The following NMBR variants were observed in gnomAD, a reference collection of about 807,000 sequenced individuals.
NMBR encodes the protein neuromedin B receptor.
In NMBR, 16 loss-of-function variants were observed where a neutral mutation model predicts 20.5. The observed-to-expected ratio is 0.78, with a 90% CI of 0.53 to 1.19. NMBR has a LOEUF of 1.19. Ranked by LOEUF, NMBR falls within the 50% of genes most tolerant of loss-of-function variation. NMBR has a pLI of 0.00. For missense variants in NMBR, 582 were observed against 499.1 expected, an observed-to-expected ratio of 1.17 and a Z score of -1.58; for synonymous variants, 212 against 196.6, an observed-to-expected ratio of 1.08 and a Z score of -0.65.
chr6:142,136,461 T>C (rs1169519054), intron 1 of NMBR, among the ~76,000 whole-genome samples: 3 of 152,310 alleles, frequency 2.0e-5, no homozygotes, highest in East Asian at 1.9e-4. Context: ...TTCACGCTGA[T>C]GGTAGTTTCT....
At chr6:142,108,746 T>C (rs562316658) in intron 1 of NMBR, among the ~76,000 whole-genome samples, 50 of 152,222 alleles carry the variant, frequency 3.3e-4, no homozygotes, top group African/African-American at 1.1e-3. Flanking sequence ...ATTCTGCCCC[T>C]GGCCCCTTCC....
intron 1 of NMBR, among the ~76,000 whole-genome samples, chr6:142,127,252 C>G (rs1778056560): frequency 6.6e-6 from 1 of 151,940 alleles, no homozygotes; most frequent in Non-Finnish European, 1.5e-5. Context: ...GAAACTATCA[C>G]TTCCCCACTG....
At chr6:142,122,433 A>G (rs1308917581) in intron 1 of NMBR, among the ~76,000 whole-genome samples, 1 of 152,020 alleles carries the variant, frequency 6.6e-6, no homozygotes, top group African/African-American at 2.4e-5. Flanking sequence ...AAGATGAAGT[A>G]GCAAGTGCTA....
chr6:142,078,969 A>C, intron 2 of NMBR, 66 bp from the exon 3 acceptor site: 1 of 1,108,498 alleles, frequency 9.0e-7, no homozygotes. Flanking sequence ...AAGAAAAGAA[A>C]GAAAGAAAAA....
At chr6:142,145,538 A>G (rs1778417287) in intron 1 of NMBR, among the ~76,000 whole-genome samples, 1 of 152,370 alleles carries the variant, frequency 6.6e-6, no homozygotes, top group Middle Eastern at 3.4e-3. Context: ...AATTAAATAA[A>G]TTAATATAAA....
Position 142,075,891 on chromosome 6 carries a change from C to A in NMBR, c.930G>T (p.Arg310=). The A allele has an allele frequency of 1.2e-6, 2 of 1,613,942 alleles. No individual in the cohort carries two copies. The highest frequency in any genetic ancestry group is 1.7e-6 in the Non-Finnish European group (2 of 1,179,962). The part of the protein sequence containing the change: ...LGHMIVTLVA[R]VLSFGNSCVN... ...CACAAGAATTGCCAAAACTGAGAAC[C>A]CGGGCAACTAAGGTGACAATCATGT... The change falls in exon 4 of 4, where the codon CGG becomes CGT. Residue 310 remains arginine (R), a synonymous_variant. Coordinates refer to ENST00000258042, the MANE Select transcript of NMBR (RefSeq NM_002511.4).
At position 142,075,248 on chromosome 6, in the gene NMBR, T is replaced by C. The variant is rs1776905855; in HGVS notation, c.*400A>G. ...GTCAATATAGAAATTTATTTCATGC[T>C]TCAAGATAAAACAAAACCTAAGACA... On this transcript the variant is annotated 3_prime_UTR_variant, in exon 4 of 4. Coordinates refer to ENST00000258042, the MANE Select transcript of NMBR (RefSeq NM_002511.4). Among the ~76,000 whole-genome samples, 1 of 152,104 alleles carries C rather than the reference T, an allele frequency of 6.6e-6. No individual in the cohort carries two copies.
chr6:142,124,647 G>A lies in NMBR; in HGVS notation c.-664+22397C>T, dbSNP rs2179554. On this transcript the variant is annotated intron_variant, in intron 1 of 3. Transcript: ENST00000258042. ...CCAAAAATAATAGCTGTAGATATGC[G>A]AACTATTCAAAAAAGAAATTGTTAT... Among the ~76,000 whole-genome samples the A allele has an allele frequency of 6.3e-3, 955 of 151,824 alleles. 12 individuals carry two copies. Among genetic ancestry groups the A allele is most frequent in the African/African-American group, 0.021 (885 of 41,448 alleles).
At chr6:142,121,921 TTGA>T (rs1185975454) in intron 1 of NMBR, among the ~76,000 whole-genome samples, 1 of 151,896 alleles carries the variant, frequency 6.6e-6, no homozygotes, top group Non-Finnish European at 1.5e-5. Context: ...GCAGCCATTG[TTGA>T]TATGATCCCA....
chr6:142,122,441 C>G (rs1453994347), intron 1 of NMBR, among the ~76,000 whole-genome samples: 1 of 151,902 alleles, frequency 6.6e-6, no homozygotes, highest in African/African-American at 2.4e-5. Context: ...GTAGCAAGTG[C>G]TAATGTAGAA....
At chr6:142,103,747 T>G (rs1251770716) in intron 1 of NMBR, among the ~76,000 whole-genome samples, 4 of 152,184 alleles carry the variant, frequency 2.6e-5, no homozygotes, top group Non-Finnish European at 5.9e-5. Context: ...ATCTAAATAT[T>G]TCAGTACTGC....
At chr6:142,077,759 A>G (rs1179231912) in intron 3 of NMBR, among the ~76,000 whole-genome samples, 3 of 152,218 alleles carry the variant, frequency 2.0e-5, no homozygotes, top group Non-Finnish European at 4.4e-5. Context: ...ATTTGGAAAC[A>G]AGCATCGGTA....
rs182992422 is a variant in NMBR at position 142,105,133 on chromosome 6, C to T, written c.-663-15812G>A. The stretch of plus-strand genomic sequence containing the variant: ...GGGGGAATATCACAAAGTACATTAT[C>T]GAAAGGGCGGGGAGGGGGTATTTTC... On this transcript the variant is annotated intron_variant, in intron 1 of 3. Transcript: ENST00000258042. Among the ~76,000 whole-genome samples, 21 of 144,140 alleles carry T rather than the reference C, an allele frequency of 1.5e-4. No individual in the cohort carries two copies. The East Asian group carries it at 3.8e-3, about 26-fold the overall frequency. 94.6% of individuals were successfully genotyped at this position (144,140 alleles called of 152,430 possible). A position where few individuals can be genotyped will look rare whatever the true frequency, so the allele number is the denominator to read the frequency against.
intron 2 of NMBR, among the ~76,000 whole-genome samples, chr6:142,084,050 C>G (rs937974271): frequency 6.6e-6 from 1 of 152,124 alleles, no homozygotes. Flanking sequence ...CAGTCAGGGG[C>G]AGCTGGCTAA....
intron 1 of NMBR, among the ~76,000 whole-genome samples, chr6:142,091,409 G>T (rs1181162935): frequency 6.6e-6 from 1 of 152,068 alleles, no homozygotes; most frequent in Non-Finnish European, 1.5e-5. Context: ...ATTTTTTGTA[G>T]ACATGGGGTC....
rs556649942 is a variant in NMBR at position 142,088,948 on chromosome 6, A to T, written c.-290T>A. ...GCGGTTGCGTCTTTGTTCCGTATTC[A>T]GTGGTTTGTTCTCGCGGTTATCTAG... On this transcript the variant is annotated 5_prime_UTR_variant, in exon 2 of 4. Transcript: ENST00000258042. The T allele has an allele frequency of 5.4e-5, 18 of 335,148 alleles. No homozygotes were observed. In the East Asian group the frequency reaches 9.6e-4, roughly 18 times the overall value. 20.8% of individuals were successfully genotyped at this position (335,148 alleles called of 1,614,324 possible). A position where few individuals can be genotyped will look rare whatever the true frequency, so the allele number is the denominator to read the frequency against.
Position 142,075,892 on chromosome 6 carries a change from C to T in NMBR, c.929G>A (p.Arg310Gln), listed in dbSNP as rs186199835. 7.6e-5 allele frequency: 122 copies of T among 1,613,906 alleles called. No homozygotes were observed. The highest frequency in any genetic ancestry group is 9.9e-5 in the South Asian group (9 of 91,066). ...ACAAGAATTGCCAAAACTGAGAACC[C>T]GGGCAACTAAGGTGACAATCATGTG... ...LGHMIVTLVA[R>Q]VLSFGNSCVN... The change falls in exon 4 of 4, where the codon CGG becomes CAG. Residue 310 changes from arginine (R) to glutamine (Q), a missense_variant. Arg to Gln is a conservative substitution (Grantham distance 43). Coordinates refer to ENST00000258042, the MANE Select transcript of NMBR (RefSeq NM_002511.4).
chr6:142,097,879 T>C (rs1777487678), intron 1 of NMBR, among the ~76,000 whole-genome samples: 1 of 151,858 alleles, frequency 6.6e-6, no homozygotes, highest in Non-Finnish European at 1.5e-5. Context: ...TACATTAAAT[T>C]TTACAGAAGA....
chr6:142,078,812 CGGA>C lies in NMBR; in HGVS notation c.511_513del (p.Ser171del). 1.9e-6 allele frequency: 3 copies of C among 1,613,974 alleles called. No homozygotes were observed. The highest frequency in any genetic ancestry group is 2.5e-6 in the Non-Finnish European group (3 of 1,180,008). The stretch of plus-strand genomic sequence containing the variant: ...ACCGCTTCGGGAACTGCCAGCAACA[CGGA>C]GACCACCCAGATACCCATGGCCTTC... On this transcript the variant is annotated inframe_deletion, in exon 3 of 4. Transcript: ENST00000258042.
Sources: gnomAD v4.1 joint callset for allele counts (sites outside exome capture counted in the v4.1 genomes callset) on GRCh38, gnomAD v4.1.1 for gene constraint, MANE v1.5 for transcripts, NCBI Gene and HGNC (gene_info 2026-07-23, HGNC 2026-07-21) for gene names.